IL12RB2: variants seen among roughly 807,000 people sequenced by gnomAD.
IL12RB2 encodes interleukin-12 receptor subunit beta-2.
A neutral mutation model predicts 89.4 loss-of-function variants in IL12RB2; 82 were observed. The ratio of observed to expected loss-of-function variants is 0.92; its 90% CI spans 0.77 to 1.10. The LOEUF (loss-of-function observed/expected upper bound fraction) is 1.10, where lower values mean the gene tolerates loss of function less well. Among genes scored for constraint, IL12RB2 ranks in the 50% least tolerant of loss-of-function variants. The probability of loss-of-function intolerance (pLI) is 0.00; values close to 1 mark genes in which losing one functional copy is unlikely to be tolerated. For missense variants in IL12RB2, 963 were observed against 1,031.9 expected (o/e 0.93, Z 0.92); for synonymous variants, 368 against 370.1 (o/e 0.99, Z 0.07).
intron 10 of IL12RB2, among the ~76,000 whole-genome samples, chr1:67,356,614 G>A (rs1661424184): frequency 6.6e-6 from 1 of 152,132 alleles, no homozygotes; most frequent in Non-Finnish European, 1.5e-5. Flanking sequence ...GGTGCCTGGG[G>A]ACAAAGAGCT....
rs143398728 is a variant in IL12RB2, at chr1:67,337,684, C to T, written c.959-940C>T. 1.8e-3 allele frequency among the ~76,000 whole-genome samples: 270 copies of T among 152,102 alleles called. 1 individual carries two copies. The highest frequency in any genetic ancestry group is 6.3e-3 in the African/African-American group (261 of 41,510). Reference sequence around the variant, plus strand: ...GGAGCCTATTATATTCTAAGTGCTGCGCTGGGTATGTGGCATATTAAATGA... The same window carrying T: ...GGAGCCTATTATATTCTAAGTGCTGTGCTGGGTATGTGGCATATTAAATGA... On this transcript the variant is annotated intron_variant, in intron 8 of 16. Transcript: ENST00000674203.
At chr1:67,350,791 C>T (rs1385926327) in intron 9 of IL12RB2, 79 bp from the exon 10 acceptor site, 5 of 1,582,086 alleles carry the variant, frequency 3.2e-6, no homozygotes, top group Non-Finnish European at 4.3e-6. Context: ...CCTAGTACAT[C>T]TGTACCCATG....
intron 10 of IL12RB2, among the ~76,000 whole-genome samples, chr1:67,357,921 G>A (rs1661577125): frequency 6.6e-6 from 1 of 152,086 alleles, no homozygotes; most frequent in Admixed American, 6.5e-5. Context: ...CCATCTAAAA[G>A]GAGTTAGAGT....
At chr1:67,372,153 T>C (rs1663436480) in intron 11 of IL12RB2, among the ~76,000 whole-genome samples, 2 of 152,194 alleles carry the variant, frequency 1.3e-5, no homozygotes, top group South Asian at 2.1e-4. Context: ...TTCTTAATCA[T>C]GGTGATCCTG....
In IL12RB2 at chr1:67,372,588, G is replaced by T. The variant is rs749694825; in HGVS notation, c.1559-37G>T. The T allele has an allele frequency of 9.3e-6, 15 of 1,610,724 alleles. No individual in the cohort carries two copies. The Admixed American group carries it at 2.5e-4, about 27-fold the overall frequency. ...TGCTTTAGTTTAATGATTTGGATTT[G>T]GAGGGTGACAGAAGCCTCCTGTGCC... On this transcript the variant is annotated intron_variant, in intron 12 of 16. Transcript: ENST00000674203.
chr1:67,341,795 A>C (rs1659658780), intron 9 of IL12RB2, among the ~76,000 whole-genome samples: 1 of 152,190 alleles, frequency 6.6e-6, no homozygotes, highest in African/African-American at 2.4e-5. Flanking sequence ...ATGGCCCCAA[A>C]CAGGCCACTC....
At chr1:67,333,450 C>G (rs1658360534) in intron 8 of IL12RB2, among the ~76,000 whole-genome samples, 2 of 149,838 alleles carry the variant, frequency 1.3e-5, no homozygotes, top group Admixed American at 1.3e-4. Context: ...ACAGAGTCAG[C>G]CTTTTTGCAG....
Position 67,330,810 on chromosome 1 carries a change from G to C in IL12RB2, c.958G>C (p.Glu320Gln), listed in dbSNP as rs1569832993. The change falls in exon 8 of 17, where the codon GAG becomes CAG. Residue 320 changes from glutamate (E) to glutamine (Q), a missense_variant and splice_region_variant. Physicochemically the swap from Glu to Gln is conservative, Grantham distance 29. Coordinates refer to ENST00000674203, the MANE Select transcript of IL12RB2 (RefSeq NM_001374259.2). ...ATTGAGAGCACAAACACCAGAAGAA[G>C]GTATATGTCCAAAATATACATACCT... ...ESLRAQTPEE[E>Q]PTGMLDVWYM... 2.0e-6 allele frequency: 3 copies of C among 1,527,646 alleles called. No homozygotes were observed. Among genetic ancestry groups the C allele is most frequent in the Non-Finnish European group, 2.7e-6 (3 of 1,101,592 alleles). The allele number at this position is 1,527,646 out of a possible 1,614,324, so 94.6% of individuals were successfully genotyped here.
At chr1:67,374,777 CTTTTTTTTTT>C (rs35122967) in intron 13 of IL12RB2, among the ~76,000 whole-genome samples, 9 of 53,866 alleles carry the variant, frequency 1.7e-4, no homozygotes, top group Admixed American at 5.8e-4. Context: ...AGCCCAGCCT[CTTTTTTTTTT>C]TTTTTTTTTT....
intron 11 of IL12RB2, among the ~76,000 whole-genome samples, chr1:67,370,611 T>C (rs566790542): frequency 4.6e-5 from 7 of 152,150 alleles, no homozygotes; most frequent in Non-Finnish European, 1.0e-4. Flanking sequence ...GGTATGTATG[T>C]ATGTATGGGA....
At chr1:67,384,030 G>A (rs1306158204) in intron 14 of IL12RB2, among the ~76,000 whole-genome samples, 1 of 152,222 alleles carries the variant, frequency 6.6e-6, no homozygotes, top group African/African-American at 2.4e-5. Flanking sequence ...GCTGTCAGTG[G>A]ATCTACCATT....
At position 67,395,919 on chromosome 1, in the gene IL12RB2, G is replaced by A. The variant is rs200608602; in HGVS notation, c.2419G>A (p.Asp807Asn). ...HDGYLPSNID[D>N]LPSHEAPLAD... Reference sequence around the variant, plus strand: ...TGGCTACTTACCCTCCAACATAGATGACCTCCCCTCACATGAGGCACCTCT... The same window carrying A: ...TGGCTACTTACCCTCCAACATAGATAACCTCCCCTCACATGAGGCACCTCT... Residue 807 changes from aspartate (D) to asparagine (N), a missense_variant, in exon 17 of 17, where the codon GAC becomes AAC. Asp to Asn is a conservative substitution (Grantham distance 23). Coordinates refer to ENST00000674203, the MANE Select transcript of IL12RB2 (RefSeq NM_001374259.2). 1 of 1,611,478 alleles carries A rather than the reference G, an allele frequency of 6.2e-7. No homozygotes were observed. Among genetic ancestry groups the A allele is most frequent in the Non-Finnish European group, 8.5e-7 (1 of 1,177,728 alleles).
At chr1:67,374,987 C>T (rs1663807854) in intron 13 of IL12RB2, among the ~76,000 whole-genome samples, 1 of 151,794 alleles carries the variant, frequency 6.6e-6, no homozygotes, top group Admixed American at 6.6e-5. Context: ...ATTCACAGTC[C>T]TATTTTATAC....
At chr1:67,356,587 T>C (rs1160841749) in intron 10 of IL12RB2, among the ~76,000 whole-genome samples, 1 of 152,122 alleles carries the variant, frequency 6.6e-6, no homozygotes. Flanking sequence ...ATTCTGGAGG[T>C]ACAAGTATGC....
chr1:67,321,517 CCT>C, intron 3 of IL12RB2, 83 bp from the exon 4 acceptor site: 2 of 863,122 alleles, frequency 2.3e-6, no homozygotes, highest in Non-Finnish European at 4.0e-6. Context: ...TTAATTTTAC[CCT>C]GTTTTGGGGA....
chr1:67,395,005 T>C (rs570592341), intron 16 of IL12RB2, among the ~76,000 whole-genome samples: 2 of 152,124 alleles, frequency 1.3e-5, no homozygotes, highest in Admixed American at 6.6e-5. Flanking sequence ...TGGTGGCTCA[T>C]GCCTGTAATC....
Position 67,330,727 on chromosome 1 carries a change from T to G in IL12RB2, c.875T>G (p.Phe292Cys). The G allele has an allele frequency of 1.3e-6, 2 of 1,534,868 alleles. No individual in the cohort carries two copies. Among genetic ancestry groups the G allele is most frequent in the Non-Finnish European group, 1.8e-6 (2 of 1,107,874 alleles). ...LDLKPFTEYE[F>C]QISSKLHLYK... ...CTGAAACCATTTACAGAATATGAATTTCAGATTTCCTCTAAGCTACATCTT... is the reference window on the plus strand; with the variant it reads ...CTGAAACCATTTACAGAATATGAATGTCAGATTTCCTCTAAGCTACATCTT... Residue 292 changes from phenylalanine to cysteine, a missense_variant, in exon 8 of 17, where the codon TTT becomes TGT. Physicochemically the swap from Phe to Cys is radical, Grantham distance 205. Coordinates refer to ENST00000674203, the MANE Select transcript of IL12RB2 (RefSeq NM_001374259.2).
chr1:67,330,471 G>A (rs1426875844), intron 7 of IL12RB2, among the ~76,000 whole-genome samples, 189 bp from the exon 8 acceptor site: 1 of 151,806 alleles, frequency 6.6e-6, no homozygotes, highest in Non-Finnish European at 1.5e-5. Flanking sequence ...TTAATGAGAT[G>A]CTATCATTTC....
chr1:67,310,836 T>C (rs1448801366), intron 1 of IL12RB2, among the ~76,000 whole-genome samples: 1 of 152,186 alleles, frequency 6.6e-6, no homozygotes, highest in African/African-American at 2.4e-5. Context: ...GTGATTCTCC[T>C]GCCTCAGCCT....
Sources: gnomAD v4.1 joint callset for allele counts (sites outside exome capture counted in the v4.1 genomes callset) on GRCh38, gnomAD v4.1.1 for gene constraint, MANE v1.5 for transcripts, NCBI Gene and HGNC (gene_info 2026-07-23, HGNC 2026-07-21) for gene names.